CACNA1C: variants seen among roughly 807,000 people sequenced by gnomAD.
CACNA1C encodes calcium voltage-gated channel subunit alpha1 C.
In CACNA1C, 30 loss-of-function variants were observed where a neutral mutation model predicts 229.0. The observed-to-expected ratio is 0.13, with a 90% CI of 0.10 to 0.18. The LOEUF is 0.18. CACNA1C is among the 10% of genes least tolerant of loss of function. The pLI, the probability that CACNA1C is intolerant of heterozygous loss-of-function variation, is 1.00. For synonymous variants in CACNA1C, 1,114 were observed against 1,132.5 expected, an observed-to-expected ratio of 0.98 and a Z score of 0.33; for missense variants, 1,658 against 2,845.0, an observed-to-expected ratio of 0.58 and a Z score of 9.49.
At chr12:2,616,195 C>T (rs938486485) in intron 29 of CACNA1C, among the ~76,000 whole-genome samples, 3 of 152,160 alleles carry the variant, frequency 2.0e-5, no homozygotes, top group Non-Finnish European at 4.4e-5. Context: ...GCCCCTCTGA[C>T]CCCCTGCTTT....
chr12:2,648,886 T>C lies in CACNA1C; in HGVS notation c.3945+379T>C, dbSNP rs147228991. Among the ~76,000 whole-genome samples the C allele has an allele frequency of 4.0e-3, 611 of 152,212 alleles. 3 individuals are homozygous for C. The highest frequency in any genetic ancestry group is 0.014 in the African/African-American group (575 of 41,516). Reference sequence around the variant, plus strand: ...TTGCAGAGGGTACCTATGAGAGCCATGGTAGGGCTCCAGGGTAAGGAGGGA... The same window carrying C: ...TTGCAGAGGGTACCTATGAGAGCCACGGTAGGGCTCCAGGGTAAGGAGGGA... On this transcript the variant is annotated intron_variant, in intron 31 of 46. Transcript: ENST00000399655.
chr12:2,153,609 G>A (rs930584785), intron 3 of CACNA1C, among the ~76,000 whole-genome samples: 1 of 152,182 alleles, frequency 6.6e-6, no homozygotes, highest in Admixed American at 6.5e-5. Flanking sequence ...GCTAAGTCAT[G>A]GGAGAGGCAA....
intron 9 of CACNA1C, among the ~76,000 whole-genome samples, chr12:2,541,292 T>C (rs2099869586): frequency 6.6e-6 from 1 of 152,190 alleles, no homozygotes; most frequent in Admixed American, 6.5e-5. Flanking sequence ...AGATACCAGA[T>C]TGGAGTCAAT....
intron 3 of CACNA1C, among the ~76,000 whole-genome samples, chr12:2,286,548 G>A (rs2092703431): frequency 1.3e-5 from 2 of 152,176 alleles, no homozygotes; most frequent in African/African-American, 2.4e-5. Context: ...TGGCTTCGGG[G>A]CTTCTCTGGG....
intron 3 of CACNA1C, among the ~76,000 whole-genome samples, chr12:2,193,921 T>C (rs953360474): frequency 1.3e-5 from 2 of 152,190 alleles, no homozygotes; most frequent in Non-Finnish European, 2.9e-5. Flanking sequence ...TTCTTACTTA[T>C]CTTCCTTGAG....
intron 1 of CACNA1C, among the ~76,000 whole-genome samples, chr12:2,002,869 CT>C (rs2042490439): frequency 6.6e-6 from 1 of 152,036 alleles, no homozygotes; most frequent in African/African-American, 2.4e-5. Context: ...GCTCAATGTT[CT>C]TTATGTAAAA....
In CACNA1C at chr12:2,641,879, T is replaced by C. The variant is rs142456013; in HGVS notation, c.3913-6596T>C. ...GAGTATGGCTGGCCCTTGAGAGAGT[T>C]AGCAGAGCCACCCTCATTCCTAGAA... is the stretch of plus-strand genomic sequence containing the variant. On this transcript the variant is annotated intron_variant, in intron 30 of 46. Coordinates refer to ENST00000399655, the MANE Select transcript of CACNA1C (RefSeq NM_000719.7). 77 of 670,486 alleles carry C rather than the reference T, an allele frequency of 1.1e-4. No individual in the cohort carries two copies. The East Asian group carries it at 2.0e-3, about 18-fold the overall frequency. 41.5% of individuals were successfully genotyped at this position (670,486 alleles called of 1,614,324 possible). A position where few individuals can be genotyped will look rare whatever the true frequency, so the allele number is the denominator to read the frequency against.
At chr12:2,580,205 C>T (rs112708277) in intron 13 of CACNA1C, among the ~76,000 whole-genome samples, 26 of 152,330 alleles carry the variant, frequency 1.7e-4, no homozygotes, top group African/African-American at 5.0e-4. Flanking sequence ...TATTCTGCAA[C>T]AGAGGGGGTA....
At chr12:2,507,155 G>A (rs780058211) in intron 8 of CACNA1C, among the ~76,000 whole-genome samples, 50 of 152,200 alleles carry the variant, frequency 3.3e-4, no homozygotes, top group Non-Finnish European at 3.5e-4. Flanking sequence ...CGATACGCTG[G>A]TCTTTCCTGG....
Position 2,653,827 on chromosome 12 carries a change from C to G in CACNA1C, c.4075-8C>G. The G allele has an allele frequency of 6.2e-7, 1 of 1,613,576 alleles. No homozygotes were observed. Among genetic ancestry groups the G allele is most frequent in the Non-Finnish European group, 8.5e-7 (1 of 1,179,660 alleles). On this transcript the variant is annotated splice_polypyrimidine_tract_variant and splice_region_variant and intron_variant, in intron 32 of 46. Transcript: ENST00000399655. This position sits in a 1 kb window ranked among gnomAD's most constrained non-coding sequence, Gnocchi z 4.7. The stretch of plus-strand genomic sequence containing the variant: ...AGCCTCATGGGAGTCTCCTGCACTT[C>G]CTTCCAGGCCCTGCCCTATGTGGCC...
chr12:2,053,547 A>C lies in CACNA1C; in HGVS notation c.-16A>C, dbSNP rs1008384240. The stretch of plus-strand genomic sequence containing the variant: ...CTCTTCGTGGCTGCTCCTCCTATTA[A>C]AACCATTTTTGGTCCATGGTCAATG... On this transcript the variant is annotated 5_prime_UTR_variant, in exon 1 of 47. Coordinates refer to ENST00000399655, the MANE Select transcript of CACNA1C (RefSeq NM_000719.7). The surrounding 1 kb of genome is among the most constrained non-coding windows in gnomAD (Gnocchi z 5.8). 2 of 1,584,934 alleles carry C rather than the reference A, an allele frequency of 1.3e-6. No homozygotes were observed. Among genetic ancestry groups the C allele is most frequent in the Non-Finnish European group, 1.7e-6 (2 of 1,165,540 alleles).
intron 3 of CACNA1C, among the ~76,000 whole-genome samples, chr12:2,238,006 T>C (rs775558336): frequency 6.6e-6 from 1 of 152,224 alleles, no homozygotes; most frequent in African/African-American, 2.4e-5. Context: ...CAGTTTTGAT[T>C]GCTGTTCCTA....
chr12:2,561,453 C>T (rs2047443342), intron 11 of CACNA1C, among the ~76,000 whole-genome samples: 2 of 152,192 alleles, frequency 1.3e-5, no homozygotes, highest in Admixed American at 1.3e-4. Flanking sequence ...AGCCCGTGGT[C>T]AGTGTTTAGT....
rs537716375 is a variant in CACNA1C, at chr12:2,394,533, C to T, written c.478-54443C>T. On this transcript the variant is annotated intron_variant, in intron 3 of 46. Coordinates refer to ENST00000399655, the MANE Select transcript of CACNA1C (RefSeq NM_000719.7). ...GGCCACCTTCTCTCCTTAGTGGAAA[C>T]GATGTCATCGCATTTACTGAGTTTG... Among the ~76,000 whole-genome samples the T allele has an allele frequency of 1.3e-4, 20 of 152,272 alleles. No individual in the cohort carries two copies. The East Asian group carries it at 3.1e-3, about 23-fold the overall frequency.
chr12:2,475,345 C>T (rs1268983113), intron 5 of CACNA1C, among the ~76,000 whole-genome samples: 1 of 151,758 alleles, frequency 6.6e-6, no homozygotes, highest in Non-Finnish European at 1.5e-5. Flanking sequence ...TTCATGATAC[C>T]AAATAACTAT....
chr12:2,313,715 G>T (rs1057031085), intron 3 of CACNA1C, among the ~76,000 whole-genome samples: 26 of 152,134 alleles, frequency 1.7e-4, no homozygotes, highest in Non-Finnish European at 2.2e-4. Flanking sequence ...GAAGGAGTCG[G>T]TCAGGTTGGA....
rs367895193 is a variant in CACNA1C, at chr12:2,634,330, G to A, written c.3862G>A (p.Ala1288Thr). ...YFCDAWNTFD[A>T]LIVVGSIVDI... The stretch of plus-strand genomic sequence containing the variant: ...CTGTGATGCATGGAATACATTTGAC[G>A]CCTTGATTGTTGTGGGTAGCATTGT... Residue 1288 changes from alanine (A) to threonine (T), a missense_variant, in exon 30 of 47, where the codon GCC becomes ACC. Physicochemically the swap from Ala to Thr is moderately conservative, Grantham distance 58 (BLOSUM62 0). Transcript: ENST00000399655. The A allele has an allele frequency of 4.6e-5, 73 of 1,581,326 alleles. No individual in the cohort carries two copies. The highest frequency in any genetic ancestry group is 1.9e-5 in the Non-Finnish European group (22 of 1,161,936).
chr12:2,174,185 C>A (rs1173083527), intron 3 of CACNA1C, among the ~76,000 whole-genome samples: 2 of 152,064 alleles, frequency 1.3e-5, no homozygotes, highest in African/African-American at 4.8e-5. Flanking sequence ...AAATGGTGGC[C>A]AGCCTTCGAG....
chr12:2,232,863 C>G (rs1249301468), intron 3 of CACNA1C, among the ~76,000 whole-genome samples: 1 of 152,030 alleles, frequency 6.6e-6, no homozygotes, highest in Non-Finnish European at 1.5e-5. Context: ...TATTTTCTTG[C>G]TCAAATTGTT....
Sources: gnomAD v4.1 joint callset for allele counts (sites outside exome capture counted in the v4.1 genomes callset) on GRCh38, gnomAD v4.1.1 for gene constraint, Gnocchi (gnomAD v3.1) non-coding constraint, MANE v1.5 for transcripts, NCBI Gene and HGNC (gene_info 2026-07-23, HGNC 2026-07-21) for gene names.